LRRC4C: variants seen among roughly 807,000 people sequenced by gnomAD.
The protein encoded by LRRC4C is leucine-rich repeat-containing protein 4C.
LRRC4C carries 5 observed loss-of-function variants against 33.6 expected under a neutral mutation model. The observed-to-expected ratio is 0.15, with a 90% CI of 0.08 to 0.31. The LOEUF (loss-of-function observed/expected upper bound fraction) is 0.31. Ranked by LOEUF, LRRC4C falls within the 10% of genes least tolerant of loss-of-function variation. LRRC4C has a pLI of 1.00. For synonymous variants in LRRC4C, 329 were observed against 302.0 expected (o/e 1.09, Z -0.93); for missense variants, 560 against 796.7 (o/e 0.70, Z 3.58).
At chr11:40,913,537 C>T (rs1956793457) in intron 2 of LRRC4C, among the ~76,000 whole-genome samples, 1 of 152,014 alleles carries the variant, frequency 6.6e-6, no homozygotes, top group Non-Finnish European at 1.5e-5. Flanking sequence ...CTCTGGGACA[C>T]ATTCAAAGCA....
At chr11:41,153,799 C>T (rs1284139081) in intron 1 of LRRC4C, among the ~76,000 whole-genome samples, 1 of 152,072 alleles carries the variant, frequency 6.6e-6, no homozygotes, top group Non-Finnish European at 1.5e-5. Context: ...TAAATATTAC[C>T]TCATTTGGAA....
At chr11:40,317,151 G>T (rs1215112086) in intron 4 of LRRC4C, among the ~76,000 whole-genome samples, 1 of 150,772 alleles carries the variant, frequency 6.6e-6, no homozygotes, top group East Asian at 1.9e-4. Flanking sequence ...GAAATTCTGG[G>T]GTCTTCAGTA....
chr11:40,237,835 G>A (rs570235314), intron 5 of LRRC4C, among the ~76,000 whole-genome samples: 34 of 152,114 alleles, frequency 2.2e-4, no homozygotes, highest in Non-Finnish European at 4.4e-4. Flanking sequence ...CTATACCACC[G>A]AAGTTGGAGC....
intron 3 of LRRC4C, among the ~76,000 whole-genome samples, chr11:40,438,063 C>A (rs1310578610): frequency 1.3e-5 from 2 of 152,182 alleles, no homozygotes; most frequent in Non-Finnish European, 2.9e-5. Context: ...ATGTCCCATG[C>A]TCACCAGGCC....
intron 1 of LRRC4C, among the ~76,000 whole-genome samples, chr11:41,413,972 A>G (rs1165121517): frequency 6.6e-6 from 1 of 152,136 alleles, no homozygotes; most frequent in African/African-American, 2.4e-5. Flanking sequence ...GCTTACTTTC[A>G]AAGAAACCTG....
intron 2 of LRRC4C, among the ~76,000 whole-genome samples, chr11:40,744,521 A>C (rs1011782011): frequency 6.6e-6 from 1 of 152,162 alleles, no homozygotes. Context: ...TGATCATTCG[A>C]ACAATTATCT....
intron 2 of LRRC4C, among the ~76,000 whole-genome samples, chr11:40,872,165 T>C (rs191704191): frequency 9.9e-4 from 151 of 152,232 alleles, no homozygotes; most frequent in African/African-American, 3.5e-3. Context: ...AGAAGTATCT[T>C]ATGAAAGGGA....
rs1025532086 is a variant in LRRC4C at position 40,438,899 on chromosome 11, T to A, written c.-269-119178A>T. Among the ~76,000 whole-genome samples the A allele has an allele frequency of 1.3e-3, 191 of 150,806 alleles. 6 individuals are homozygous for A. The highest frequency in any genetic ancestry group is 4.4e-4 in the Non-Finnish European group (30 of 67,754). On this transcript the variant is annotated intron_variant, in intron 3 of 6. Coordinates refer to ENST00000528697, the MANE Select transcript of LRRC4C (RefSeq NM_001258419.2). ...ATCAAAATAATACTAGTTTTTCAAA[T>A]CTACAGGGTTAATTTATGAATTGCT...
intron 1 of LRRC4C, among the ~76,000 whole-genome samples, chr11:41,039,061 T>A (rs554236472): frequency 6.6e-6 from 1 of 152,230 alleles, no homozygotes; most frequent in Admixed American, 6.5e-5. Flanking sequence ...TTTTATAGTT[T>A]GAGATCTTAC....
intron 1 of LRRC4C, among the ~76,000 whole-genome samples, chr11:41,304,987 C>A (rs1275533731): frequency 2.9e-4 from 31 of 107,244 alleles, no homozygotes; most frequent in African/African-American, 1.1e-3. Flanking sequence ...GCCCGGCCGC[C>A]CCTACTGGGA....
chr11:40,726,956 T>A (rs554877653), intron 2 of LRRC4C, among the ~76,000 whole-genome samples: 14 of 152,198 alleles, frequency 9.2e-5, no homozygotes, highest in African/African-American at 3.4e-4. Flanking sequence ...TTTCTGTACA[T>A]CAATAATTTT....
chr11:40,563,715 G>T (rs1957644851), intron 3 of LRRC4C, among the ~76,000 whole-genome samples: 1 of 152,124 alleles, frequency 6.6e-6, no homozygotes, highest in African/African-American at 2.4e-5. Flanking sequence ...AGAAAACCTT[G>T]AAATCTGAAA....
At chr11:41,302,454 C>T (rs140480123) in intron 1 of LRRC4C, among the ~76,000 whole-genome samples, 15 of 152,274 alleles carry the variant, frequency 9.9e-5, no homozygotes, top group Non-Finnish European at 1.2e-4. Flanking sequence ...CCAGCATTTT[C>T]ATTACTATTT....
intron 1 of LRRC4C, among the ~76,000 whole-genome samples, chr11:41,148,299 G>A (rs1447486243): frequency 2.6e-5 from 4 of 152,230 alleles, no homozygotes; most frequent in African/African-American, 9.6e-5. Flanking sequence ...ACAGGAGCAG[G>A]AGAAATTCTT....
chr11:40,671,646 A>AGTGTGTGTGTGTGTGTGTGTGT (rs145275244), intron 2 of LRRC4C, among the ~76,000 whole-genome samples: 4 of 140,570 alleles, frequency 2.8e-5, no homozygotes, highest in South Asian at 2.4e-4. Flanking sequence ...GTCCTTATTC[A>AGTGTGTGTGTGTGTGTGTGTGT]GTGTGTGTGT....
intron 1 of LRRC4C, among the ~76,000 whole-genome samples, chr11:41,347,100 G>A (rs777670333): frequency 1.6e-4 from 24 of 152,226 alleles, no homozygotes; most frequent in Non-Finnish European, 2.4e-4. Flanking sequence ...GAAACCATAT[G>A]TATCTACAAG....
At chr11:40,206,929 G>T (rs924825085) in intron 5 of LRRC4C, among the ~76,000 whole-genome samples, 1 of 151,972 alleles carries the variant, frequency 6.6e-6, no homozygotes, top group African/African-American at 2.4e-5. Flanking sequence ...TAAACCTGGG[G>T]GAAGGGGACA....
chr11:40,299,463 A>T (rs1320267034), intron 4 of LRRC4C, among the ~76,000 whole-genome samples: 1 of 152,246 alleles, frequency 6.6e-6, no homozygotes, highest in Non-Finnish European at 1.5e-5. Flanking sequence ...TAGATGAGAG[A>T]AAAGTTTAAA....
chr11:40,626,151 T>C (rs1230705416), intron 3 of LRRC4C, among the ~76,000 whole-genome samples: 1 of 152,178 alleles, frequency 6.6e-6, no homozygotes, highest in African/African-American at 2.4e-5. Flanking sequence ...CTCATTGTGC[T>C]TCAAACACAG....
Sources: gnomAD v4.1 joint callset for allele counts (sites outside exome capture counted in the v4.1 genomes callset) on GRCh38, gnomAD v4.1.1 for gene constraint, MANE v1.5 for transcripts, NCBI Gene and HGNC (gene_info 2026-07-23, HGNC 2026-07-21) for gene names.